Variants in BUB1B observed in about 807,000 individuals in gnomAD.
BUB1B encodes BUB1 mitotic checkpoint serine/threonine kinase B.
Under a neutral mutation model 137.7 loss-of-function variants are expected in BUB1B, and 86 were observed. The ratio of observed to expected loss-of-function variants is 0.62; its 90% confidence interval spans 0.52 to 0.75. The LOEUF is 0.75. Ranked by LOEUF, BUB1B falls within the 30% of genes least tolerant of loss-of-function variation. The pLI is 0.00. For synonymous variants in BUB1B, 420 were observed against 417.9 expected (o/e 1.00, Z -0.06); for missense variants, 1,130 against 1,236.9 (o/e 0.91, Z 1.30).
intron 4 of BUB1B, among the ~76,000 whole-genome samples, chr15:40,172,443 T>C (rs892538288): frequency 1.1e-4 from 16 of 152,282 alleles, no homozygotes; most frequent in African/African-American, 3.9e-4. Context: ...GAACACATAG[T>C]TTGTATGCCA....
At chr15:40,202,259 T>A in intron 12 of BUB1B, 146 bp from the exon 13 acceptor site, 1 of 698,648 alleles carries the variant, frequency 1.4e-6, no homozygotes, top group Non-Finnish European at 2.4e-6. Flanking sequence ...TTTAATGACC[T>A]TTTATATGTT....
chr15:40,196,895 A>G lies in BUB1B; in HGVS notation c.1288+121A>G, dbSNP rs184793738. ...TACCTTTGTATGATGTTTCTATGGT[A>G]GTACTGTTTCTTTCTGTGTATCAGC... On this transcript the variant is annotated intron_variant, in intron 9 of 22. Coordinates refer to ENST00000287598, the MANE Select transcript of BUB1B (RefSeq NM_001211.6). 7.9e-6 allele frequency: 7 copies of G among 890,608 alleles called. No individual in the cohort carries two copies. The Admixed American group carries it at 1.1e-4, about 14-fold the overall frequency. The allele number at this position is 890,608 out of a possible 1,614,324, so 55.2% of individuals were successfully genotyped here. A position where few individuals can be genotyped will look rare whatever the true frequency, so the allele number is the denominator to read the frequency against.
intron 5 of BUB1B, among the ~76,000 whole-genome samples, chr15:40,180,413 G>A (rs2037273926): frequency 6.6e-6 from 1 of 150,854 alleles, no homozygotes; most frequent in African/African-American, 2.4e-5. Context: ...CTATAGGCAT[G>A]CGCCACCACA....
Position 40,199,750 on chromosome 15 carries a change from CA to C in BUB1B, c.1401+27del, listed in dbSNP as rs763983062. On this transcript the variant is annotated intron_variant, in intron 10 of 22. Transcript: ENST00000287598. ...CAGGTAATTTTTCTTTTTTCATACA[CA>C]AAACTAGAATTTATTGAAACAAATT... 1.4e-5 allele frequency: 22 copies of C among 1,527,952 alleles called. No homozygotes were observed. The East Asian group carries it at 5.0e-4, about 35-fold the overall frequency. 94.6% of individuals were successfully genotyped at this position (1,527,952 alleles called of 1,614,324 possible).
chr15:40,220,768 A>G lies in BUB1B; in HGVS notation c.*9A>G, dbSNP rs767561425. On this transcript the variant is annotated 3_prime_UTR_variant, in exon 23 of 23. Transcript: ENST00000287598. ...CTTTGCTCTTTCAGTGAGCTAGGCA[A>G]TCAAGTCTCACAGATTGCTGCCTCA... 1 of 1,612,906 alleles carries G rather than the reference A, an allele frequency of 6.2e-7. No homozygotes were observed. The highest frequency in any genetic ancestry group is 8.5e-7 in the Non-Finnish European group (1 of 1,178,884).
At chr15:40,188,708 G>A (rs558918205) in intron 8 of BUB1B, among the ~76,000 whole-genome samples, 50 of 147,346 alleles carry the variant, frequency 3.4e-4, no homozygotes, top group African/African-American at 1.2e-3. Context: ...TCAGCCACCC[G>A]AGTAGCTGGC....
At chr15:40,215,046 G>A (rs2037758775) in intron 20 of BUB1B, among the ~76,000 whole-genome samples, 1 of 152,150 alleles carries the variant, frequency 6.6e-6, no homozygotes, top group Non-Finnish European at 1.5e-5. Flanking sequence ...GTCTAATGAA[G>A]TACGATAACC....
intron 9 of BUB1B, among the ~76,000 whole-genome samples, chr15:40,197,306 T>A (rs1224713236): frequency 6.6e-6 from 1 of 152,130 alleles, no homozygotes; most frequent in Non-Finnish European, 1.5e-5. Flanking sequence ...ATTTCTAAAT[T>A]AAAGGAAAAG....
intron 4 of BUB1B, among the ~76,000 whole-genome samples, chr15:40,171,067 C>G (rs927962732): frequency 2.6e-5 from 4 of 152,100 alleles, no homozygotes; most frequent in African/African-American, 4.8e-5. Flanking sequence ...TCGTGAGTAG[C>G]TGGGACTACA....
rs147672337 is a variant in BUB1B at position 40,180,451 on chromosome 15, A to T, written c.582-3263A>T. On this transcript the variant is annotated intron_variant, in intron 5 of 22. Coordinates refer to ENST00000287598, the MANE Select transcript of BUB1B (RefSeq NM_001211.6). ...CGGCTAATTTTTGTAGTTTTAGAAG[A>T]GATGGGGTTTCATCACATTGGCCAG... 3.7e-3 allele frequency among the ~76,000 whole-genome samples: 553 copies of T among 151,028 alleles called. 3 individuals are homozygous for T. The highest frequency in any genetic ancestry group is 0.013 in the African/African-American group (529 of 41,210).
intron 5 of BUB1B, among the ~76,000 whole-genome samples, chr15:40,179,992 C>T (rs964714576): frequency 2.1e-5 from 3 of 142,188 alleles, no homozygotes; most frequent in Non-Finnish European, 3.0e-5. Flanking sequence ...ATATATATCT[C>T]TTAAATAACT....
chr15:40,161,309 A>G, intron 1 of BUB1B, 54 bp downstream of exon 1: 2 of 1,579,054 alleles, frequency 1.3e-6, no homozygotes, highest in Non-Finnish European at 1.7e-6. Context: ...ACGGCCTGGT[A>G]GGTAATAGAA....
chr15:40,178,388 T>G (rs778060899), intron 5 of BUB1B, among the ~76,000 whole-genome samples: 1 of 152,132 alleles, frequency 6.6e-6, no homozygotes. Context: ...GATATCTCTG[T>G]TATTGATATC....
chr15:40,212,181 C>A (rs908450913), intron 18 of BUB1B, among the ~76,000 whole-genome samples: 1 of 152,212 alleles, frequency 6.6e-6, no homozygotes, highest in African/African-American at 2.4e-5. Flanking sequence ...TTAGCTCCAC[C>A]CTCAGCCTCA....
rs528022763 is a variant in BUB1B at position 40,208,635 on chromosome 15, A to G, written c.2010-2A>G. 2.5e-6 allele frequency: 4 copies of G among 1,612,738 alleles called. No individual in the cohort carries two copies. The highest frequency in any genetic ancestry group is 3.4e-6 in the Non-Finnish European group (4 of 1,178,820). On this transcript the variant is annotated splice_acceptor_variant, in intron 15 of 22. Transcript: ENST00000287598. LOFTEE classifies it high-confidence loss of function. ...GAATTAACTTATTTTTGATTCTTTT[A>G]GCCCAATTATTGAAGACAGTCGTGA...
chr15:40,199,779 AAC>A, intron 10 of BUB1B, 52 bp downstream of exon 10: 1 of 1,355,926 alleles, frequency 7.4e-7, no homozygotes, highest in South Asian at 1.2e-5. Context: ...AACAAATTTA[AAC>A]ATTATAAAAA....
chr15:40,162,510 T>C (rs1328410268), intron 1 of BUB1B, among the ~76,000 whole-genome samples: 1 of 152,158 alleles, frequency 6.6e-6, no homozygotes, highest in Non-Finnish European at 1.5e-5. Flanking sequence ...ATTGAAATAA[T>C]TCAGCTCAAA....
At chr15:40,184,848 G>C (rs1336787200) in intron 6 of BUB1B, among the ~76,000 whole-genome samples, 1 of 152,080 alleles carries the variant, frequency 6.6e-6, no homozygotes, top group Non-Finnish European at 1.5e-5. Context: ...ACTTAGGTTA[G>C]TTTCTGATAA....
intron 20 of BUB1B, among the ~76,000 whole-genome samples, chr15:40,216,157 C>G (rs1566829495): frequency 6.6e-6 from 1 of 151,486 alleles, no homozygotes; most frequent in Non-Finnish European, 1.5e-5. Flanking sequence ...TTTACAATTA[C>G]ACTGGGCATG....
Sources: gnomAD v4.1 joint callset for allele counts (sites outside exome capture counted in the v4.1 genomes callset) on GRCh38, gnomAD v4.1.1 for gene constraint, MANE v1.5 for transcripts, NCBI Gene and HGNC (gene_info 2026-07-23, HGNC 2026-07-21) for gene names.